The following BRINP1 variants were observed in gnomAD, a reference collection of about 807,000 sequenced individuals.
BRINP1 encodes BMP/retinoic acid inducible neural specific 1, also known as BMP/retinoic acid-inducible neural-specific protein 1.
A neutral mutation model predicts 72.9 loss-of-function variants in BRINP1; 17 were observed. The ratio of observed to expected loss-of-function variants is 0.23; its 90% CI spans 0.16 to 0.35. The LOEUF (loss-of-function observed/expected upper bound fraction) is 0.35. BRINP1 is among the 10% of genes least tolerant of loss of function. The pLI, the probability that BRINP1 is intolerant of heterozygous loss-of-function variation, is 1.00. For missense variants in BRINP1, 850 were observed against 1,001.6 expected (o/e 0.85, Z 2.04); for synonymous variants, 418 against 378.5 (o/e 1.10, Z -1.21).
intron 2 of BRINP1, among the ~76,000 whole-genome samples, chr9:119,304,150 G>A (rs1830970053): frequency 3.9e-5 from 6 of 152,048 alleles, no homozygotes; most frequent in Admixed American, 3.9e-4. Context: ...AAAGTGCTGG[G>A]ATTACAGATA....
rs779766254 is a variant in BRINP1, at chr9:119,226,548, C to T, written c.685+12107G>A. Among the ~76,000 whole-genome samples, 11 of 152,118 alleles carry T rather than the reference C, an allele frequency of 7.2e-5. No individual in the cohort carries two copies. The East Asian group carries it at 1.9e-3, about 27-fold the overall frequency. On this transcript the variant is annotated intron_variant, in intron 5 of 7. Coordinates refer to ENST00000265922, the MANE Select transcript of BRINP1 (RefSeq NM_014618.3). ...CTTGCTTAGAATTCTTTACTCCTTC[C>T]TGCCCAAGTCTGAGTCTTTAAGTTC... is the stretch of plus-strand genomic sequence containing the variant.
At chr9:119,182,416 A>G (rs957422632) in intron 7 of BRINP1, among the ~76,000 whole-genome samples, 35 of 152,240 alleles carry the variant, frequency 2.3e-4, no homozygotes, top group African/African-American at 8.4e-4. Flanking sequence ...AGCTAACAAG[A>G]GATTGTATGT....
chr9:119,365,411 G>A (rs377053872), intron 1 of BRINP1, among the ~76,000 whole-genome samples: 18 of 152,174 alleles, frequency 1.2e-4, no homozygotes, highest in African/African-American at 4.1e-4. Context: ...GTTACCAGTA[G>A]TTCAGCAGCC....
intron 2 of BRINP1, among the ~76,000 whole-genome samples, chr9:119,305,006 T>A (rs1327361320): frequency 6.6e-6 from 1 of 152,220 alleles, no homozygotes; most frequent in Non-Finnish European, 1.5e-5. Flanking sequence ...CTAACCTGAT[T>A]AACACAAACC....
At position 119,167,308 on chromosome 9, in the gene BRINP1, A is replaced by C. The variant is rs574953991; in HGVS notation, c.2062T>G (p.Ser688Ala). ...QSYTQGGQFY[S>A]SSSVMLLLLD... The stretch of plus-strand genomic sequence containing the variant: ...AAGAGGAGCATCACTGACGAAGAGG[A>C]ATAGAACTGGCCGCCCTGTGTGTAG... Residue 688 changes from serine (S) to alanine (A), a missense_variant, in exon 8 of 8, where the codon TCC becomes GCC. Coordinates refer to ENST00000265922, the MANE Select transcript of BRINP1 (RefSeq NM_014618.3). The surrounding 1 kb of genome is among the most constrained non-coding windows in gnomAD (Gnocchi z 4.3). The C allele has an allele frequency of 2.7e-5, 44 of 1,614,166 alleles. No homozygotes were observed. In the South Asian group the frequency reaches 4.7e-4, roughly 17 times the overall value.
At chr9:119,296,829 G>C (rs1830884433) in intron 2 of BRINP1, among the ~76,000 whole-genome samples, 1 of 152,196 alleles carries the variant, frequency 6.6e-6, no homozygotes. Flanking sequence ...CAGAAGCAGA[G>C]AGTAGAATGA....
intron 2 of BRINP1, among the ~76,000 whole-genome samples, chr9:119,269,278 A>C (rs1830583857): frequency 6.6e-6 from 1 of 152,174 alleles, no homozygotes; most frequent in South Asian, 2.1e-4. Context: ...TGAAATTATC[A>C]ATACCAGTTC....
chr9:119,292,308 A>C (rs953837086), intron 2 of BRINP1, among the ~76,000 whole-genome samples: 3 of 152,234 alleles, frequency 2.0e-5, no homozygotes, highest in Non-Finnish European at 4.4e-5. Flanking sequence ...GAGAAGAAAA[A>C]TATAATGGAC....
intron 2 of BRINP1, among the ~76,000 whole-genome samples, chr9:119,303,195 G>A (rs531920404): frequency 2.6e-5 from 4 of 151,956 alleles, no homozygotes; most frequent in South Asian, 2.1e-4. Context: ...GCTCAGCGAC[G>A]GAAGCTGTAC....
At chr9:119,367,241 T>TATATATATATATATATATATA (rs1318946495) in intron 1 of BRINP1, among the ~76,000 whole-genome samples, 1 of 143,358 alleles carries the variant, frequency 7.0e-6, no homozygotes, top group Non-Finnish European at 1.5e-5. Flanking sequence ...TATATATATA[T>TATATATATATATATATATATA]ATCTTCCTAG....
chr9:119,209,500 A>C (rs555716280), intron 6 of BRINP1, among the ~76,000 whole-genome samples: 51 of 151,714 alleles, frequency 3.4e-4, no homozygotes, highest in African/African-American at 1.2e-3. Flanking sequence ...CCCGGGAGGC[A>C]GAGGTCAAGT....
chr9:119,277,585 C>G (rs964235709), intron 2 of BRINP1, among the ~76,000 whole-genome samples: 1 of 152,110 alleles, frequency 6.6e-6, no homozygotes, highest in African/African-American at 2.4e-5. Flanking sequence ...AAGAGAGGAG[C>G]CTACTATGTC....
chr9:119,215,116 A>G (rs560556893), intron 5 of BRINP1, among the ~76,000 whole-genome samples: 145 of 152,344 alleles, frequency 9.5e-4, no homozygotes, highest in South Asian at 3.3e-3. Context: ...AGACACAAGC[A>G]TCACTAGATA....
At chr9:119,286,303 G>A (rs1380494961) in intron 2 of BRINP1, among the ~76,000 whole-genome samples, 1 of 151,858 alleles carries the variant, frequency 6.6e-6, no homozygotes, top group Non-Finnish European at 1.5e-5. Context: ...CGTGATCTCG[G>A]CTCACTGCAA....
intron 4 of BRINP1, among the ~76,000 whole-genome samples, chr9:119,241,021 A>C (rs1830242775): frequency 6.6e-6 from 1 of 152,210 alleles, no homozygotes; most frequent in South Asian, 2.1e-4. Context: ...GTCCTCCCAC[A>C]TTCGCTTTAT....
intron 1 of BRINP1, among the ~76,000 whole-genome samples, chr9:119,317,522 A>G (rs1466518951): frequency 2.0e-5 from 3 of 152,220 alleles, no homozygotes; most frequent in Non-Finnish European, 4.4e-5. Context: ...GATGCTATGA[A>G]CACTGTTGAA....
At chr9:119,210,832 T>C (rs1004940284) in intron 6 of BRINP1, among the ~76,000 whole-genome samples, 5 of 152,208 alleles carry the variant, frequency 3.3e-5, no homozygotes, top group Admixed American at 2.6e-4. Context: ...AATAATAGTA[T>C]CTAATCCAAA....
At position 119,168,163 on chromosome 9, in the gene BRINP1, A is replaced by C. The variant is rs1829344398; in HGVS notation, c.1207T>G (p.Trp403Gly). The C allele has an allele frequency of 3.8e-6, 6 of 1,580,582 alleles. No individual in the cohort carries two copies. Among genetic ancestry groups the C allele is most frequent in the African/African-American group, 2.7e-5 (2 of 74,100 alleles). Residue 403 changes from tryptophan to glycine, a missense_variant, in exon 8 of 8, where the codon TGG (tryptophan) becomes GGG (glycine). By Grantham distance (184) the Trp-to-Gly change is radical. Coordinates refer to ENST00000265922, the MANE Select transcript of BRINP1 (RefSeq NM_014618.3). ...CGCTGGCTCTCCAGGAAGGTTCCCC[A>C]AAACCCATTCTCATTACAGTAGAGG... The part of the protein sequence containing the change: ...SLLYCNENGF[W>G]GTFLESQRSC...
intron 1 of BRINP1, among the ~76,000 whole-genome samples, chr9:119,316,396 A>G (rs1831125211): frequency 6.6e-6 from 1 of 152,090 alleles, no homozygotes; most frequent in Non-Finnish European, 1.5e-5. Flanking sequence ...CCAACAACCT[A>G]TTTTCAATGT....
Sources: allele counts gnomAD v4.1 joint callset (sites outside exome capture counted in the v4.1 genomes callset), GRCh38; gene constraint gnomAD v4.1.1; non-coding constraint Gnocchi (gnomAD v3.1); transcripts MANE v1.5; gene names NCBI Gene and HGNC (gene_info 2026-07-23, HGNC 2026-07-21).